The following CEMIP2 variants were observed in gnomAD, a reference collection of about 807,000 sequenced individuals.
CEMIP2 encodes the protein cell migration inducing hyaluronidase 2, also known as cell surface hyaluronidase CEMIP2.
Under a neutral mutation model 146.9 loss-of-function variants are expected in CEMIP2, and 79 were observed. The ratio of observed to expected loss-of-function variants is 0.54; its 90% CI spans 0.45 to 0.65. The LOEUF is 0.65. CEMIP2 is among the 30% of genes least tolerant of loss of function. The pLI is 0.00. For synonymous variants in CEMIP2, 601 were observed against 606.3 expected (o/e 0.99, Z 0.13); for missense variants, 1,596 against 1,696.2 (o/e 0.94, Z 1.04).
At chr9:71,750,919 A>T (rs1824234185) in intron 1 of CEMIP2, among the ~76,000 whole-genome samples, 1 of 150,478 alleles carries the variant, frequency 6.6e-6, no homozygotes, top group African/African-American at 2.5e-5. Context: ...GCTAATTTTT[A>T]AATTTTTTGT....
At chr9:71,721,454 T>G (rs181626290) in intron 12 of CEMIP2, among the ~76,000 whole-genome samples, 1 of 152,362 alleles carries the variant, frequency 6.6e-6, no homozygotes, top group African/African-American at 2.4e-5. Context: ...TCTCAAATGC[T>G]ATCTGATCAT....
At chr9:71,746,661 G>C (rs1265259968) in intron 2 of CEMIP2, among the ~76,000 whole-genome samples, 1 of 135,144 alleles carries the variant, frequency 7.4e-6, no homozygotes, top group Non-Finnish European at 1.6e-5. Flanking sequence ...CCAATAGTAA[G>C]AGGCAAAATT....
At chr9:71,734,767 T>G in intron 6 of CEMIP2, 39 bp downstream of exon 6, 1 of 1,523,122 alleles carries the variant, frequency 6.6e-7, no homozygotes, top group Non-Finnish European at 8.9e-7. Flanking sequence ...CCCAAGAAAA[T>G]AGTGTGTTTC....
chr9:71,701,268 G>A (rs764067336), intron 18 of CEMIP2, among the ~76,000 whole-genome samples: 1 of 152,000 alleles, frequency 6.6e-6, no homozygotes, highest in Non-Finnish European at 1.5e-5. Context: ...ACCATGCACG[G>A]CTAATTTTTG....
At chr9:71,691,276 C>T (rs13290692) in intron 21 of CEMIP2, among the ~76,000 whole-genome samples, 27,008 of 151,494 alleles carry the variant, frequency 0.18, 2,544 homozygotes, top group East Asian at 0.36. Context: ...AGAGATACAC[C>T]GGGCGTGGTG....
intron 6 of CEMIP2, among the ~76,000 whole-genome samples, chr9:71,733,346 G>T (rs1823675824): frequency 6.6e-6 from 1 of 152,124 alleles, no homozygotes; most frequent in Non-Finnish European, 1.5e-5. Flanking sequence ...ATCTTGGGAG[G>T]ACAGTTCATG....
chr9:71,759,794 A>G (rs1315283899), intron 1 of CEMIP2, among the ~76,000 whole-genome samples: 1 of 125,236 alleles, frequency 8.0e-6, no homozygotes, highest in Non-Finnish European at 1.6e-5. Flanking sequence ...AGAAGCAGGG[A>G]TAATTGTTCT....
At chr9:71,769,434 A>T (rs1434067116), upstream of CEMIP2, among the ~76,000 whole-genome samples, 1 of 152,238 alleles carries the variant, frequency 6.6e-6, no homozygotes, top group Non-Finnish European at 1.5e-5. Flanking sequence ...TCTGGGACAC[A>T]GGGCAGCTCT....
At chr9:71,759,747 T>C (rs936970878) in intron 1 of CEMIP2, among the ~76,000 whole-genome samples, 77 of 146,798 alleles carry the variant, frequency 5.2e-4, no homozygotes, top group African/African-American at 1.9e-3. Flanking sequence ...GTTAGATTTT[T>C]GGTCCTTCCT....
At position 71,707,382 on chromosome 9, in the gene CEMIP2, T is replaced by C. The variant is rs112306686; in HGVS notation, c.2985+1877A>G. On this transcript the variant is annotated intron_variant, in intron 17 of 23. Coordinates refer to ENST00000377044, the MANE Select transcript of CEMIP2 (RefSeq NM_013390.3). ...TTGCTCATGGAAATGAGAAATCCCATAGCAATAAAGAAGCTAATACCCCCA... is the reference window on the plus strand; with the variant it reads ...TTGCTCATGGAAATGAGAAATCCCACAGCAATAAAGAAGCTAATACCCCCA... Among the ~76,000 whole-genome samples, 1,069 of 152,194 alleles carry C rather than the reference T, an allele frequency of 7.0e-3. 17 individuals are homozygous for C. The highest frequency in any genetic ancestry group is 0.024 in the African/African-American group (1,007 of 41,516).
chr9:71,712,376 A>G, intron 15 of CEMIP2, 116 bp from the exon 16 acceptor site: 2 of 943,314 alleles, frequency 2.1e-6, no homozygotes, highest in South Asian at 1.7e-5. Flanking sequence ...AAATTCTAGG[A>G]TACAGTAGGA....
chr9:71,726,437 C>T (rs758196171), intron 10 of CEMIP2, among the ~76,000 whole-genome samples: 55 of 143,632 alleles, frequency 3.8e-4, no homozygotes, highest in Non-Finnish European at 7.2e-4. Context: ...TATGGAACTT[C>T]GATTAAATAG....
rs1403291497 is a variant in CEMIP2, at chr9:71,732,331, A to G, written c.1563+20T>C. 3.2e-6 allele frequency: 5 copies of G among 1,570,106 alleles called. No individual in the cohort carries two copies. In the Admixed American group the frequency reaches 1.0e-4, roughly 32 times the overall value. ...TTAGCAACCAGGATTTCAAAGAAAT[A>G]ATCAAATCCTTTTGCCTACCATAAT... On this transcript the variant is annotated intron_variant, in intron 7 of 23. Coordinates refer to ENST00000377044, the MANE Select transcript of CEMIP2 (RefSeq NM_013390.3).
intron 5 of CEMIP2, 47 bp downstream of exon 5, chr9:71,740,016 A>G (rs1823868570): frequency 1.3e-6 from 2 of 1,557,368 alleles, no homozygotes; most frequent in South Asian, 1.2e-5. Flanking sequence ...AAAATCTGTC[A>G]TAATACTTAT....
At chr9:71,723,505 T>C (rs1216718358) in intron 11 of CEMIP2, among the ~76,000 whole-genome samples, 2 of 152,180 alleles carry the variant, frequency 1.3e-5, no homozygotes, top group Non-Finnish European at 1.5e-5. Context: ...CATTTTGTAA[T>C]TGATAAAATT....
intron 1 of CEMIP2, among the ~76,000 whole-genome samples, chr9:71,759,606 T>C (rs772942077): frequency 6.6e-6 from 1 of 152,096 alleles, no homozygotes; most frequent in African/African-American, 2.4e-5. Context: ...AGGAATTCTA[T>C]TGAGGGAATA....
rs1823640939 is a variant in CEMIP2 at position 71,732,273 on chromosome 9, T to C, written c.1563+78A>G. The C allele has an allele frequency of 3.5e-6, 5 of 1,412,884 alleles. No homozygotes were observed. In the South Asian group the frequency reaches 7.2e-5, roughly 20 times the overall value. The allele number at this position is 1,412,884 out of a possible 1,614,324, so 87.5% of individuals were successfully genotyped here. ...GCTTTTAATATCCATTTATATCTTG[T>C]TCCAAAACTTGACAGTTTCTTCAAA... On this transcript the variant is annotated intron_variant, in intron 7 of 23. Transcript: ENST00000377044.
chr9:71,705,233 GC>G (rs1448308984), intron 17 of CEMIP2, among the ~76,000 whole-genome samples: 1 of 151,834 alleles, frequency 6.6e-6, no homozygotes, highest in African/African-American at 2.4e-5. Flanking sequence ...ATATCTTAGA[GC>G]TTTGGCTTTC....
intron 21 of CEMIP2, among the ~76,000 whole-genome samples, chr9:71,692,688 C>G (rs534779972): frequency 6.6e-6 from 1 of 152,254 alleles, no homozygotes; most frequent in South Asian, 2.1e-4. Context: ...GCAGGAAGAT[C>G]ACTTGAGCCC....
Sources: gnomAD v4.1 joint callset for allele counts (sites outside exome capture counted in the v4.1 genomes callset) on GRCh38, gnomAD v4.1.1 for gene constraint, MANE v1.5 for transcripts, NCBI Gene and HGNC (gene_info 2026-07-23, HGNC 2026-07-21) for gene names.